Variants in TNRC6A observed in about 807,000 individuals in gnomAD.
TNRC6A encodes the protein trinucleotide repeat containing adaptor 6A, also known as trinucleotide repeat-containing gene 6A protein.
Under a neutral mutation model 221.2 loss-of-function variants are expected in TNRC6A, and 44 were observed. The ratio of observed to expected loss-of-function variants is 0.20; its 90% CI spans 0.16 to 0.26. The LOEUF (loss-of-function observed/expected upper bound fraction) is 0.26, where lower values mean the gene tolerates loss of function less well. Among genes scored for constraint, TNRC6A ranks in the 10% least tolerant of loss-of-function variants. The pLI, the probability that TNRC6A is intolerant of heterozygous loss-of-function variation, is 1.00. For missense variants in TNRC6A, 2,199 were observed against 2,404.4 expected, an observed-to-expected ratio of 0.91 and a Z score of 1.79; for synonymous variants, 847 against 838.5, an observed-to-expected ratio of 1.01 and a Z score of -0.18.
In TNRC6A at chr16:24,820,162, A is replaced by G. The variant is rs1439956698; in HGVS notation, c.5104A>G (p.Thr1702Ala). Residue 1702 changes from threonine to alanine, a missense_variant, in exon 22 of 25, where the codon ACA (threonine) becomes GCA (alanine). Transcript: ENST00000395799. ...AGCCAGAAATAGTGATTCCAAATTG[A>G]CATGGTCTCCTGGTTCAGTTACAAA... ...TSARNSDSKL[T>A]WSPGSVTNTS... 1.9e-6 allele frequency: 3 copies of G among 1,614,068 alleles called. No individual in the cohort carries two copies. The South Asian group carries it at 3.3e-5, about 18-fold the overall frequency.
chr16:24,704,288 G>T (rs560880939), intron 2 of TNRC6A, among the ~76,000 whole-genome samples: 1 of 151,928 alleles, frequency 6.6e-6, no homozygotes, highest in African/African-American at 2.4e-5. Flanking sequence ...GACTGGTGGG[G>T]GGCGGGAGGG....
intron 19 of TNRC6A, 71 bp downstream of exon 19, chr16:24,815,376 C>G: frequency 6.5e-7 from 1 of 1,531,170 alleles, no homozygotes. Flanking sequence ...TCTGGACTTA[C>G]TACTGATGTA....
intron 1 of TNRC6A, among the ~76,000 whole-genome samples, chr16:24,621,728 ATTATG>A (rs1596545187): frequency 6.6e-6 from 1 of 152,168 alleles, no homozygotes; most frequent in Non-Finnish European, 1.5e-5. Context: ...TCCTGTTACT[ATTATG>A]TTATGGCTCT....
intron 1 of TNRC6A, among the ~76,000 whole-genome samples, chr16:24,622,264 AG>A (rs1471563305): frequency 6.6e-6 from 1 of 152,192 alleles, no homozygotes; most frequent in Non-Finnish European, 1.5e-5. Context: ...AATAAAAAAA[AG>A]ATAGAACATT....
chr16:24,615,376 A>T (rs778911963), intron 1 of TNRC6A, among the ~76,000 whole-genome samples: 7 of 152,198 alleles, frequency 4.6e-5, no homozygotes, highest in Non-Finnish European at 8.8e-5. Context: ...TACCCTAGAC[A>T]GTGGGATATG....
At chr16:24,612,292 GCTATTT>G (rs1336383340) in intron 1 of TNRC6A, among the ~76,000 whole-genome samples, 1 of 152,088 alleles carries the variant, frequency 6.6e-6, no homozygotes, top group African/African-American at 2.4e-5. Flanking sequence ...ATGACAGGGT[GCTATTT>G]CTATCTCCAT....
chr16:24,614,227 G>A (rs1900224693), intron 1 of TNRC6A, among the ~76,000 whole-genome samples: 1 of 152,234 alleles, frequency 6.6e-6, no homozygotes, highest in Non-Finnish European at 1.5e-5. Context: ...GAGAAGGGAA[G>A]CCCCAGTACA....
intron 2 of TNRC6A, among the ~76,000 whole-genome samples, chr16:24,658,589 T>C (rs1203966635): frequency 6.6e-6 from 1 of 152,156 alleles, no homozygotes; most frequent in Non-Finnish European, 1.5e-5. Flanking sequence ...CTTGAACTCC[T>C]GACCTCAAGT....
intron 1 of TNRC6A, among the ~76,000 whole-genome samples, chr16:24,616,571 T>G (rs1900362561): frequency 6.6e-6 from 1 of 152,144 alleles, no homozygotes; most frequent in Non-Finnish European, 1.5e-5. Flanking sequence ...TCTTTGATAT[T>G]TGTTAAGAGA....
At chr16:24,806,081 T>C in intron 15 of TNRC6A, 125 bp from the exon 16 acceptor site, 1 of 1,002,648 alleles carries the variant, frequency 1.0e-6, no homozygotes, top group South Asian at 1.6e-5. Context: ...TACTAGATAA[T>C]GCTAGACATG....
intron 2 of TNRC6A, among the ~76,000 whole-genome samples, chr16:24,708,531 GC>G (rs71383703): frequency 3.9e-5 from 6 of 152,040 alleles, no homozygotes; most frequent in African/African-American, 1.4e-4. Flanking sequence ...GTGAGCCACC[GC>G]CCCCAGCCAT....
rs1316161856 is a variant in TNRC6A at position 24,777,048 on chromosome 16, G to A, written c.279G>A (p.Gln93=). 1.2e-6 allele frequency: 2 copies of A among 1,613,410 alleles called. No homozygotes were observed. The highest frequency in any genetic ancestry group is 8.5e-7 in the Non-Finnish European group (1 of 1,179,826). ...NNAKRATANN[Q]QPQQQQQQQQ... ...CCAAGCGAGCTACAGCCAACAATCAGCAGCCACAGCAGCAGCAGCAACAGC... is the reference window on the plus strand; with the variant it reads ...CCAAGCGAGCTACAGCCAACAATCAACAGCCACAGCAGCAGCAGCAACAGC... The change falls in exon 5 of 25, where the codon CAG becomes CAA. Residue 93 remains glutamine, a synonymous_variant. Coordinates refer to ENST00000395799, the MANE Select transcript of TNRC6A (RefSeq NM_014494.4).
At chr16:24,816,580 G>A in intron 19 of TNRC6A, 1 of 479,020 alleles carries the variant, frequency 2.1e-6, no homozygotes, top group African/African-American at 1.9e-5. Flanking sequence ...GTGTGTGTGG[G>A]TATGTATATT....
chr16:24,821,230 G>A (rs558352955), intron 22 of TNRC6A, among the ~76,000 whole-genome samples: 2 of 152,272 alleles, frequency 1.3e-5, no homozygotes, highest in Non-Finnish European at 1.5e-5. Flanking sequence ...TTTGGAGGCC[G>A]CAGACATCTG....
chr16:24,821,275 C>T (rs957967696), intron 22 of TNRC6A, among the ~76,000 whole-genome samples: 4 of 152,114 alleles, frequency 2.6e-5, no homozygotes, highest in Non-Finnish European at 4.4e-5. Flanking sequence ...CAGCACACAG[C>T]GAGGGGCGCT....
chr16:24,756,075 A>G (rs1372428981), intron 3 of TNRC6A, among the ~76,000 whole-genome samples: 1 of 152,200 alleles, frequency 6.6e-6, no homozygotes, highest in Non-Finnish European at 1.5e-5. Flanking sequence ...AAAAATAACC[A>G]GATTAATTTT....
intron 7 of TNRC6A, 123 bp downstream of exon 7, chr16:24,793,772 A>C: frequency 1.2e-6 from 1 of 854,826 alleles, no homozygotes; most frequent in Non-Finnish European, 1.6e-6. Context: ...GTAACATGAT[A>C]GATGATGTTC....
At chr16:24,707,380 A>T (rs1038613671) in intron 2 of TNRC6A, among the ~76,000 whole-genome samples, 1 of 147,630 alleles carries the variant, frequency 6.8e-6, no homozygotes, top group Non-Finnish European at 1.5e-5. Flanking sequence ...ACACACACAC[A>T]TCTTAAATAA....
At chr16:24,643,588 G>A (rs143089621) in intron 2 of TNRC6A, among the ~76,000 whole-genome samples, 451 of 152,118 alleles carry the variant, frequency 3.0e-3, no homozygotes, top group South Asian at 0.012. Context: ...TCTTCTGTTC[G>A]GAGGCTAACC....
Sources: gnomAD v4.1 joint callset for allele counts (sites outside exome capture counted in the v4.1 genomes callset) on GRCh38, gnomAD v4.1.1 for gene constraint, MANE v1.5 for transcripts, NCBI Gene and HGNC (gene_info 2026-07-23, HGNC 2026-07-21) for gene names.